Variants in SCAI observed in about 807,000 individuals in gnomAD.
The protein encoded by SCAI is protein SCAI.
In SCAI, 24 loss-of-function variants were observed where a neutral mutation model predicts 92.2. The ratio of observed to expected loss-of-function variants is 0.26; its 90% CI spans 0.19 to 0.37. SCAI has a LOEUF of 0.37. Among genes scored for constraint, SCAI ranks in the 10% least tolerant of loss-of-function variants. SCAI has a pLI of 1.00. For synonymous variants in SCAI, 261 were observed against 258.6 expected (o/e 1.01, Z -0.09); for missense variants, 450 against 736.2 (o/e 0.61, Z 4.50).
At chr9:125,062,085 A>C (rs1833778373) in intron 2 of SCAI, among the ~76,000 whole-genome samples, 1 of 152,062 alleles carries the variant, frequency 6.6e-6, no homozygotes, top group Non-Finnish European at 1.5e-5. Context: ...AAAAATAATA[A>C]TTTATACTAA....
rs35575491 is a variant in SCAI at position 124,956,989 on chromosome 9, A to ATT, written c.1675-4038_1675-4037dup. Among the ~76,000 whole-genome samples the ATT allele has an allele frequency of 7.2e-3, 1,022 of 141,192 alleles. 4 individuals carry two copies. The highest frequency in any genetic ancestry group is 0.01 in the African/African-American group (399 of 38,474). The allele number at this position is 141,192 out of a possible 152,430, so 92.6% of individuals were successfully genotyped here. ...GACTGCAGGACACAAGGTCAACTGT[A>ATT]TTTTTTTTTTTTTTTTTTAAGAAAG... is the stretch of plus-strand genomic sequence containing the variant. On this transcript the variant is annotated intron_variant, in intron 17 of 17. Transcript: ENST00000336505.
At chr9:125,019,557 T>C in intron 7 of SCAI, among the ~76,000 whole-genome samples, 1 of 151,746 alleles carries the variant, frequency 6.6e-6, no homozygotes, top group East Asian at 1.9e-4. Flanking sequence ...CCCAGCCCTT[T>C]GGGAGGTCGA....
intron 3 of SCAI, among the ~76,000 whole-genome samples, chr9:125,046,335 A>C: frequency 2.6e-5 from 1 of 38,498 alleles, no homozygotes; most frequent in African/African-American, 9.8e-5. Flanking sequence ...ACACACACAT[A>C]TATATATGTG....
intron 17 of SCAI, among the ~76,000 whole-genome samples, chr9:124,967,793 G>A (rs1159081360): frequency 2.0e-5 from 3 of 152,146 alleles, no homozygotes; most frequent in African/African-American, 7.2e-5. Context: ...AATTGCTTTT[G>A]ACACTTCAAT....
chr9:125,137,844 C>G (rs575866390), intron 2 of SCAI, among the ~76,000 whole-genome samples: 15 of 152,256 alleles, frequency 9.9e-5, no homozygotes, highest in African/African-American at 3.4e-4. Flanking sequence ...TCAGGTGATC[C>G]ACCCGCCTCA....
Position 124,943,001 on chromosome 9 carries a change from T to C in SCAI, c.*9806A>G, listed in dbSNP as rs1831083214. ...TCACATCTCATACAAGAGTCAAAAGTGATGAACTCAAGAAAATAAAATGTT... is the reference window on the plus strand; with the variant it reads ...TCACATCTCATACAAGAGTCAAAAGCGATGAACTCAAGAAAATAAAATGTT... On this transcript the variant is annotated 3_prime_UTR_variant, in exon 18 of 18. Transcript: ENST00000336505. 3.3e-5 allele frequency: 5 copies of C among 152,124 alleles called. No homozygotes were observed. The allele number at this position is 152,124 out of a possible 1,614,324, so 9.4% of individuals were successfully genotyped here.
intron 3 of SCAI, among the ~76,000 whole-genome samples, chr9:125,033,189 C>T (rs1351424621): frequency 6.6e-6 from 1 of 151,336 alleles, no homozygotes; most frequent in Non-Finnish European, 1.5e-5. Context: ...CACAGCAAGA[C>T]TCCATCTCCA....
intron 2 of SCAI, among the ~76,000 whole-genome samples, chr9:125,115,664 A>G (rs1191851073): frequency 6.6e-6 from 1 of 152,232 alleles, no homozygotes; most frequent in Non-Finnish European, 1.5e-5. Context: ...AAACTAAAAA[A>G]TCAATTTACA....
At chr9:124,968,915 T>G in intron 17 of SCAI, 1 of 411,354 alleles carries the variant, frequency 2.4e-6, no homozygotes. Context: ...CTGTAGGAAA[T>G]CTCCAAAATT....
intron 2 of SCAI, among the ~76,000 whole-genome samples, chr9:125,092,189 TG>T (rs1834444691): frequency 7.5e-6 from 1 of 132,638 alleles, no homozygotes; most frequent in Non-Finnish European, 1.6e-5. Context: ...CTGCACATGG[TG>T]GCTCATGCCT....
In SCAI at chr9:124,947,353, C is replaced by A. The variant is rs188353799; in HGVS notation, c.*5454G>T. On this transcript the variant is annotated 3_prime_UTR_variant, in exon 18 of 18. Transcript: ENST00000336505. ...TCAGGTTATATCACTAATTTATCAT[C>A]AGTTTAAATAAAAATTTGCAGGTGA... 5.3e-5 allele frequency: 8 copies of A among 152,302 alleles called. No individual in the cohort carries two copies. Among genetic ancestry groups the A allele is most frequent in the African/African-American group, 1.9e-4 (8 of 41,568 alleles). 9.4% of individuals were successfully genotyped at this position (152,302 alleles called of 1,614,324 possible).
intron 2 of SCAI, among the ~76,000 whole-genome samples, chr9:125,087,886 C>T (rs963808304): frequency 2.0e-5 from 3 of 152,092 alleles, no homozygotes; most frequent in Admixed American, 6.5e-5. Context: ...GCTTCAAAAA[C>T]TCAGGGTTAG....
intron 14 of SCAI, among the ~76,000 whole-genome samples, chr9:124,984,398 T>C (rs1442521057): frequency 1.3e-5 from 2 of 152,214 alleles, no homozygotes; most frequent in Admixed American, 6.5e-5. Flanking sequence ...ATCTGTCTTA[T>C]AGGCACACTT....
intron 2 of SCAI, among the ~76,000 whole-genome samples, chr9:125,082,547 C>T (rs896203835): frequency 5.3e-5 from 8 of 152,188 alleles, no homozygotes; most frequent in Non-Finnish European, 1.0e-4. Flanking sequence ...TTGCACCATG[C>T]GCCTGGAAAA....
chr9:125,081,953 A>G (rs779111334), intron 2 of SCAI, among the ~76,000 whole-genome samples: 4 of 152,128 alleles, frequency 2.6e-5, no homozygotes, highest in African/African-American at 7.2e-5. Flanking sequence ...GGAGAAACCC[A>G]TTTTCCGGGG....
At chr9:125,128,180 G>A (rs562807148) in intron 2 of SCAI, among the ~76,000 whole-genome samples, 20 of 152,136 alleles carry the variant, frequency 1.3e-4, no homozygotes, top group South Asian at 2.1e-4. Context: ...AAAACCTGCC[G>A]GGCACAGTGG....
chr9:125,116,788 CATT>C (rs745833953), intron 2 of SCAI, among the ~76,000 whole-genome samples: 7 of 152,118 alleles, frequency 4.6e-5, no homozygotes, highest in Non-Finnish European at 1.0e-4. Flanking sequence ...TTGAAAAAAT[CATT>C]GTTTTCTCTT....
At chr9:125,048,129 C>T (rs12343103) in intron 3 of SCAI, among the ~76,000 whole-genome samples, 18,844 of 152,092 alleles carry the variant, frequency 0.12, 1,593 homozygotes, top group Admixed American at 0.23. Context: ...CAGGCATGTG[C>T]CACCATGCCC....
chr9:124,969,978 C>T (rs766739858), intron 17 of SCAI, among the ~76,000 whole-genome samples: 4 of 151,986 alleles, frequency 2.6e-5, no homozygotes, highest in African/African-American at 7.3e-5. Flanking sequence ...CTCAGCCTCC[C>T]GAGTAGCTGG....
Sources: allele counts gnomAD v4.1 joint callset (sites outside exome capture counted in the v4.1 genomes callset), GRCh38; gene constraint gnomAD v4.1.1; transcripts MANE v1.5; gene names NCBI Gene and HGNC (gene_info 2026-07-23, HGNC 2026-07-21).